Variants in SLC2A13 observed in about 807,000 individuals in gnomAD.
SLC2A13 encodes solute carrier family 2 member 13.
Under a neutral mutation model 64.4 loss-of-function variants are expected in SLC2A13, and 32 were observed. The ratio of observed to expected loss-of-function variants is 0.50; its 90% CI spans 0.37 to 0.67. The LOEUF is 0.67. Ranked by LOEUF, SLC2A13 falls within the 30% of genes least tolerant of loss-of-function variation. The probability of loss-of-function intolerance (pLI) is 0.00; values close to 1 mark genes in which losing one functional copy is unlikely to be tolerated. For missense variants in SLC2A13, 743 were observed against 829.2 expected (o/e 0.90, Z 1.28); for synonymous variants, 338 against 327.1 (o/e 1.03, Z -0.36).
chr12:39,973,326 T>C (rs481241), intron 3 of SLC2A13, among the ~76,000 whole-genome samples: 114,263 of 152,098 alleles, frequency 0.75, 44,535 homozygotes, highest in Non-Finnish European at 0.86. Flanking sequence ...ACCACTTTCT[T>C]TTGGTTTTAC....
chr12:40,060,221 CAT>C (rs1206704496), intron 1 of SLC2A13, among the ~76,000 whole-genome samples: 1 of 152,104 alleles, frequency 6.6e-6, no homozygotes, highest in Non-Finnish European at 1.5e-5. Flanking sequence ...AGGTAAATAA[CAT>C]ATGATAGGTA....
At chr12:39,953,121 G>A (rs1946260484) in intron 3 of SLC2A13, among the ~76,000 whole-genome samples, 1 of 152,040 alleles carries the variant, frequency 6.6e-6, no homozygotes, top group Non-Finnish European at 1.5e-5. Flanking sequence ...CTATTAAACT[G>A]TATCATGATT....
intron 6 of SLC2A13, among the ~76,000 whole-genome samples, chr12:39,847,156 G>A (rs1369210479): frequency 1.3e-5 from 2 of 152,126 alleles, no homozygotes; most frequent in African/African-American, 4.8e-5. Context: ...CGTGAAAGTA[G>A]GTGAATCCCT....
chr12:40,097,649 A>G (rs995351876), intron 1 of SLC2A13, among the ~76,000 whole-genome samples: 3 of 152,192 alleles, frequency 2.0e-5, no homozygotes, highest in African/African-American at 2.4e-5. Context: ...ATCACTAATC[A>G]TAAGAGAAAT....
intron 6 of SLC2A13, among the ~76,000 whole-genome samples, chr12:39,842,745 G>A (rs1029784641): frequency 6.6e-6 from 1 of 151,898 alleles, no homozygotes; most frequent in African/African-American, 2.4e-5. Context: ...CATTTTCATT[G>A]CTCAAGAATA....
chr12:40,053,206 C>T (rs867835848), intron 1 of SLC2A13, among the ~76,000 whole-genome samples: 4 of 145,280 alleles, frequency 2.8e-5, no homozygotes, highest in South Asian at 4.4e-4. Flanking sequence ...TGCTTGAACC[C>T]GGGAGGCGGA....
intron 4 of SLC2A13, among the ~76,000 whole-genome samples, chr12:39,878,369 A>G (rs1944247249): frequency 6.6e-6 from 1 of 152,212 alleles, no homozygotes; most frequent in Admixed American, 6.5e-5. Flanking sequence ...AGACCGACTA[A>G]ATGGTTGTGA....
At chr12:39,792,298 T>A (rs1233923726) in intron 7 of SLC2A13, among the ~76,000 whole-genome samples, 1 of 149,182 alleles carries the variant, frequency 6.7e-6, no homozygotes, top group Non-Finnish European at 1.5e-5. Flanking sequence ...GCATTACCAT[T>A]CAGGACACAG....
chr12:39,772,727 C>T (rs1001913220), intron 7 of SLC2A13, among the ~76,000 whole-genome samples: 13 of 152,126 alleles, frequency 8.5e-5, no homozygotes, highest in Non-Finnish European at 1.5e-4. Context: ...TTACTCTTTT[C>T]GTTATTATCA....
At chr12:39,887,579 A>C (rs1944500290) in intron 4 of SLC2A13, among the ~76,000 whole-genome samples, 1 of 152,198 alleles carries the variant, frequency 6.6e-6, no homozygotes, top group Non-Finnish European at 1.5e-5. Context: ...AAATTATTAG[A>C]TTTTGAGCAG....
intron 4 of SLC2A13, among the ~76,000 whole-genome samples, chr12:39,875,978 T>C (rs1395065853): frequency 1.3e-5 from 2 of 152,170 alleles, no homozygotes; most frequent in African/African-American, 4.8e-5. Flanking sequence ...AAGAACAATA[T>C]GAACAACTGA....
At chr12:39,880,849 G>A (rs1944320775) in intron 4 of SLC2A13, among the ~76,000 whole-genome samples, 1 of 152,110 alleles carries the variant, frequency 6.6e-6, no homozygotes, top group Admixed American at 6.6e-5. Flanking sequence ...GCATCATGGA[G>A]AACAATGAAG....
intron 4 of SLC2A13, among the ~76,000 whole-genome samples, chr12:39,942,160 T>C (rs1946040222): frequency 6.6e-6 from 1 of 152,214 alleles, no homozygotes; most frequent in Non-Finnish European, 1.5e-5. Flanking sequence ...CCAGATTTGT[T>C]CTTTTTGCTT....
At chr12:39,951,974 T>C (rs1388505448) in intron 3 of SLC2A13, among the ~76,000 whole-genome samples, 1 of 152,106 alleles carries the variant, frequency 6.6e-6, no homozygotes, top group Non-Finnish European at 1.5e-5. Flanking sequence ...TGTGTATGTG[T>C]GTGTACGTGT....
chr12:40,069,632 C>G (rs1304267467), intron 1 of SLC2A13, among the ~76,000 whole-genome samples: 1 of 151,226 alleles, frequency 6.6e-6, no homozygotes, highest in Non-Finnish European at 1.5e-5. Flanking sequence ...TAATTAGGAC[C>G]ATGGTTGAAA....
intron 3 of SLC2A13, among the ~76,000 whole-genome samples, chr12:39,996,707 T>C (rs1436268394): frequency 6.6e-6 from 1 of 152,202 alleles, no homozygotes; most frequent in Non-Finnish European, 1.5e-5. Context: ...GGGTGCAATC[T>C]TCAAGCCTTG....
intron 4 of SLC2A13, among the ~76,000 whole-genome samples, chr12:39,924,770 T>C (rs1279092226): frequency 6.6e-6 from 1 of 152,118 alleles, no homozygotes; most frequent in Non-Finnish European, 1.5e-5. Flanking sequence ...AGTTTGGCAA[T>C]GTAAAATGCA....
In SLC2A13 at chr12:40,016,433, T is replaced by A. The variant is rs541525638; in HGVS notation, c.925+11868A>T. Reference sequence around the variant, plus strand: ...TTCTCAAAGTGGGTGTATATAAATATAAACTAGCTAATGAGAGTAGCAGAA... The same window carrying A: ...TTCTCAAAGTGGGTGTATATAAATAAAAACTAGCTAATGAGAGTAGCAGAA... On this transcript the variant is annotated intron_variant, in intron 3 of 9. Transcript: ENST00000280871. Among the ~76,000 whole-genome samples the A allele has an allele frequency of 2.0e-5, 3 of 152,284 alleles. No homozygotes were observed. In the South Asian group the frequency reaches 6.2e-4, roughly 32 times the overall value.
intron 4 of SLC2A13, among the ~76,000 whole-genome samples, chr12:39,942,775 T>C (rs1379465548): frequency 5.9e-5 from 9 of 152,330 alleles, no homozygotes; most frequent in African/African-American, 2.2e-4. Context: ...ATCAAACTCA[T>C]TCTCAGTCCA....
Sources: gnomAD v4.1 joint callset for allele counts (sites outside exome capture counted in the v4.1 genomes callset) on GRCh38, gnomAD v4.1.1 for gene constraint, MANE v1.5 for transcripts, NCBI Gene and HGNC (gene_info 2026-07-23, HGNC 2026-07-21) for gene names.